ANKFY1: variants seen among roughly 807,000 people sequenced by gnomAD.
ANKFY1 encodes ankyrin repeat and FYVE domain-containing protein 1.
ANKFY1 carries 47 observed loss-of-function variants against 128.3 expected under a neutral mutation model. That is an observed-to-expected ratio of 0.37 (90% CI 0.29 to 0.47). The LOEUF is 0.47. ANKFY1 is among the 20% of genes least tolerant of loss of function. The pLI is 1.00. For synonymous variants in ANKFY1, 553 were observed against 601.6 expected (o/e 0.92, Z 1.18); for missense variants, 1,222 against 1,510.6 (o/e 0.81, Z 3.17).
At chr17:4,216,377 G>A (rs73972092) in intron 4 of ANKFY1, 4,774 of 160,148 alleles carry the variant, frequency 0.03, 261 homozygotes, top group African/African-American at 0.11. Flanking sequence ...AGACGCTCCC[G>A]GACATCTCGT....
intron 1 of ANKFY1, among the ~76,000 whole-genome samples, chr17:4,250,842 C>T (rs971434189): frequency 3.3e-5 from 5 of 152,052 alleles, no homozygotes; most frequent in Non-Finnish European, 5.9e-5. Flanking sequence ...AGTATGGCGC[C>T]CAAGCTGGTC....
rs1261792475 is a variant in ANKFY1, at chr17:4,165,667, G to A, written c.*2112C>T. ...CAGTCCATAGCTGGTCAGTACCATT[G>A]CTATCCCTGGACTCAGGCTTAGAAG... On this transcript the variant is annotated 3_prime_UTR_variant, in exon 25 of 25. Transcript: ENST00000341657. 1.3e-5 allele frequency: 2 copies of A among 152,222 alleles called. No homozygotes were observed. Among genetic ancestry groups the A allele is most frequent in the Non-Finnish European group, 1.5e-5 (1 of 68,052 alleles). The allele number at this position is 152,222 out of a possible 1,614,324, so 9.4% of individuals were successfully genotyped here.
Position 4,195,068 on chromosome 17 carries a change from C to A in ANKFY1, c.1282G>T (p.Val428Leu). 6.2e-7 allele frequency: 1 copy of A among 1,614,130 alleles called. No individual in the cohort carries two copies. The highest frequency in any genetic ancestry group is 1.1e-5 in the South Asian group (1 of 91,076). The change falls in exon 10 of 25, where the codon GTG becomes TTG. Residue 428 changes from valine (V) to leucine (L), a missense_variant. Physicochemically the swap from Val to Leu is conservative, Grantham distance 32. Transcript: ENST00000341657. ...QSVNPFEDVP[V>L]VNGTSFDENS... ...TCATCAAATGAAGTCCCATTTACCA[C>A]GGGGACATCTTCGAAGGGGTTCACA...
At chr17:4,195,771 C>T (rs1412316070) in intron 8 of ANKFY1, among the ~76,000 whole-genome samples, 1 of 152,130 alleles carries the variant, frequency 6.6e-6, no homozygotes, top group Non-Finnish European at 1.5e-5. Context: ...ACAGCAGTTT[C>T]TGCCACAGGT....
intron 3 of ANKFY1, chr17:4,223,406 A>C: frequency 6.5e-7 from 1 of 1,541,330 alleles, no homozygotes; most frequent in Non-Finnish European, 9.0e-7. Context: ...AACGGAAGTC[A>C]TCCACAAAGA....
chr17:4,169,006 C>T lies in ANKFY1; in HGVS notation c.3377+192G>A. 1 of 555,580 alleles carries T rather than the reference C, an allele frequency of 1.8e-6. No homozygotes were observed. Among genetic ancestry groups the T allele is most frequent in the Non-Finnish European group, 3.2e-6 (1 of 308,446 alleles). 34.4% of individuals were successfully genotyped at this position (555,580 alleles called of 1,614,324 possible). A position where few individuals can be genotyped will look rare whatever the true frequency, so the allele number is the denominator to read the frequency against. On this transcript the variant is annotated intron_variant, in intron 24 of 24. Transcript: ENST00000341657. This position sits in a 1 kb window ranked among gnomAD's most constrained non-coding sequence, Gnocchi z 5.0. The stretch of plus-strand genomic sequence containing the variant: ...AGCAGGAAAGCCACCCGTCTGCAGG[C>T]TCCCTGCCTTCCCTACATCTCTGTT...
At chr17:4,222,631 G>A (rs980187777) in intron 3 of ANKFY1, 18 of 1,021,132 alleles carry the variant, frequency 1.8e-5, no homozygotes, top group African/African-American at 9.5e-5. Context: ...GAATTTTACC[G>A]TCTTAAATTT....
intron 1 of ANKFY1, among the ~76,000 whole-genome samples, chr17:4,250,283 T>C (rs1328163134): frequency 2.0e-5 from 3 of 152,246 alleles, no homozygotes; most frequent in East Asian, 1.9e-4. Flanking sequence ...TGACTGCTAC[T>C]ATAAACTCGA....
chr17:4,190,830 T>A (rs1471005525), intron 10 of ANKFY1, among the ~76,000 whole-genome samples: 1 of 152,048 alleles, frequency 6.6e-6, no homozygotes, highest in Non-Finnish European at 1.5e-5. Flanking sequence ...ACACCAGGAC[T>A]GAAAACAAGA....
intron 14 of ANKFY1, among the ~76,000 whole-genome samples, chr17:4,182,966 C>T (rs1201688940): frequency 6.6e-6 from 1 of 152,028 alleles, no homozygotes; most frequent in Non-Finnish European, 1.5e-5. Flanking sequence ...ATGAGCTGGG[C>T]GTGGTGGTGG....
intron 1 of ANKFY1, among the ~76,000 whole-genome samples, chr17:4,256,288 C>T (rs865785168): frequency 7.7e-4 from 117 of 152,246 alleles, no homozygotes; most frequent in African/African-American, 2.6e-3. Flanking sequence ...ATTAGCCAGG[C>T]GCAGTGGCGG....
chr17:4,254,754 T>A lies in ANKFY1; in HGVS notation c.10+9178A>T, dbSNP rs1483898445. Among the ~76,000 whole-genome samples the A allele has an allele frequency of 2.6e-5, 4 of 152,238 alleles. No individual in the cohort carries two copies. The East Asian group carries it at 7.7e-4, about 29-fold the overall frequency. On this transcript the variant is annotated intron_variant, in intron 1 of 24. Coordinates refer to ENST00000341657, the MANE Select transcript of ANKFY1 (RefSeq NM_001330063.2). ...TTAGTGTCAACATCATTCTATGGAG[T>A]AAAAGGAAATGTACACTTTCCTGTA...
At chr17:4,197,137 A>T (rs2059840250) in intron 8 of ANKFY1, among the ~76,000 whole-genome samples, 1 of 152,084 alleles carries the variant, frequency 6.6e-6, no homozygotes, top group South Asian at 2.1e-4. Context: ...ACAAACAAAC[A>T]ACACACAAAA....
chr17:4,168,826 T>C, intron 24 of ANKFY1: 1 of 190,554 alleles, frequency 5.2e-6, no homozygotes, highest in Non-Finnish European at 1.1e-5. Context: ...TCTATCTCAT[T>C]TTAATGGGAA....
At chr17:4,206,136 A>G (rs1454532889) in intron 7 of ANKFY1, among the ~76,000 whole-genome samples, 185 bp downstream of exon 7, 1 of 152,218 alleles carries the variant, frequency 6.6e-6, no homozygotes, top group Non-Finnish European at 1.5e-5. Context: ...GGCCAAACTA[A>G]CACGGCATAG....
chr17:4,232,727 A>C (rs1241303397), intron 3 of ANKFY1, among the ~76,000 whole-genome samples: 1 of 152,224 alleles, frequency 6.6e-6, no homozygotes, highest in African/African-American at 2.4e-5. Flanking sequence ...GCACTGAATT[A>C]AGGCCAGACA....
intron 1 of ANKFY1, among the ~76,000 whole-genome samples, chr17:4,258,768 A>C (rs1361328775): frequency 1.3e-5 from 2 of 152,188 alleles, no homozygotes; most frequent in Non-Finnish European, 2.9e-5. Context: ...ATCAAATTTA[A>C]GTAGCCACAT....
At chr17:4,239,171 A>G (rs1395621315) in intron 2 of ANKFY1, among the ~76,000 whole-genome samples, 1 of 152,230 alleles carries the variant, frequency 6.6e-6, no homozygotes, top group Non-Finnish European at 1.5e-5. Context: ...ATTGTCTCCT[A>G]GAAGGACTTC....
chr17:4,223,499 TG>T, intron 3 of ANKFY1: 8 of 1,176,590 alleles, frequency 6.8e-6, no homozygotes, highest in Non-Finnish European at 1.0e-5. Flanking sequence ...TATCACTGTC[TG>T]GGGGACAATG....
Sources: allele counts gnomAD v4.1 joint callset (sites outside exome capture counted in the v4.1 genomes callset), GRCh38; gene constraint gnomAD v4.1.1; non-coding constraint Gnocchi (gnomAD v3.1); transcripts MANE v1.5; gene names NCBI Gene and HGNC (gene_info 2026-07-23, HGNC 2026-07-21).